Variants in CNIH3 observed in about 807,000 individuals in gnomAD.
CNIH3 encodes cornichon family AMPA receptor auxiliary protein 3, also known as protein cornichon homolog 3.
In CNIH3, 14 loss-of-function variants were observed where a neutral mutation model predicts 24.1. The observed-to-expected ratio is 0.58, with a 90% CI of 0.38 to 0.91. CNIH3 has a LOEUF of 0.91. Ranked by LOEUF, CNIH3 falls within the 40% of genes least tolerant of loss-of-function variation. CNIH3 has a pLI of 0.00. For missense variants in CNIH3, 178 were observed against 196.8 expected (o/e 0.90, Z 0.57); for synonymous variants, 68 against 73.8 (o/e 0.92, Z 0.40).
intron 1 of CNIH3, among the ~76,000 whole-genome samples, chr1:224,456,706 C>A (rs1357948239): frequency 6.6e-6 from 1 of 152,208 alleles, no homozygotes; most frequent in Non-Finnish European, 1.5e-5. Flanking sequence ...CCACTGTGCC[C>A]GGCCAAAGAT....
intron 3 of CNIH3, among the ~76,000 whole-genome samples, chr1:224,552,117 A>T (rs1679947043): frequency 6.6e-6 from 1 of 151,588 alleles, no homozygotes; most frequent in South Asian, 2.1e-4. Flanking sequence ...ATTAGAAGTC[A>T]TATATCTCCC....
chr1:224,436,935 CA>C (rs1248300527), intron 1 of CNIH3: 12 of 152,202 alleles, frequency 7.9e-5, no homozygotes, highest in African/African-American at 2.9e-4. Context: ...TCTTTGACTA[CA>C]CTCTCCCGTC....
At chr1:224,654,834 T>C (rs754404816) in intron 1 of CNIH3, among the ~76,000 whole-genome samples, 1 of 152,166 alleles carries the variant, frequency 6.6e-6, no homozygotes, top group African/African-American at 2.4e-5. Flanking sequence ...CCAAACTAAT[T>C]CCAATCCCTA....
intron 1 of CNIH3, among the ~76,000 whole-genome samples, chr1:224,439,383 A>G (rs1674797090): frequency 6.6e-6 from 1 of 152,120 alleles, no homozygotes; most frequent in Non-Finnish European, 1.5e-5. Context: ...TAGCCCTCTC[A>G]TGTTCTTGAG....
intron 3 of CNIH3, among the ~76,000 whole-genome samples, chr1:224,705,850 C>CTTTTTTCTTTTTTTT (rs1687762236): frequency 1.1e-5 from 1 of 90,208 alleles, no homozygotes; most frequent in Non-Finnish European, 2.4e-5. Context: ...TCTTTCTTTT[C>CTTTTTTCTTTTTTTT]TTTTTTTTCT....
intron 1 of CNIH3, among the ~76,000 whole-genome samples, chr1:224,641,599 A>T (rs1477552971): frequency 6.6e-6 from 1 of 152,208 alleles, no homozygotes; most frequent in Non-Finnish European, 1.5e-5. Context: ...CTGGTGTCTG[A>T]GTGGACGACG....
At chr1:224,573,126 T>C (rs1680891614) in intron 4 of CNIH3, among the ~76,000 whole-genome samples, 1 of 152,216 alleles carries the variant, frequency 6.6e-6, no homozygotes, top group Non-Finnish European at 1.5e-5. Context: ...CAGCATCGTT[T>C]TGTATTTTAG....
intron 3 of CNIH3, among the ~76,000 whole-genome samples, chr1:224,715,255 G>A (rs144109274): frequency 6.6e-6 from 1 of 152,246 alleles, no homozygotes; most frequent in African/African-American, 2.4e-5. Flanking sequence ...TGGCTTTCCT[G>A]ACTCTGCACC....
intron 3 of CNIH3, among the ~76,000 whole-genome samples, chr1:224,714,611 G>A (rs1688329088): frequency 6.6e-6 from 1 of 152,206 alleles, no homozygotes; most frequent in Non-Finnish European, 1.5e-5. Flanking sequence ...TATAAATTCT[G>A]CCAGGCCCAG....
At chr1:224,526,861 C>A (rs1678867437) in intron 2 of CNIH3, among the ~76,000 whole-genome samples, 1 of 152,112 alleles carries the variant, frequency 6.6e-6, no homozygotes, top group Non-Finnish European at 1.5e-5. Context: ...CGTGAGCCTA[C>A]ACATAACATG....
At chr1:224,734,868 G>C (rs1689515180) in intron 5 of CNIH3, among the ~76,000 whole-genome samples, 162 bp downstream of exon 5, 1 of 152,210 alleles carries the variant, frequency 6.6e-6, no homozygotes, top group Non-Finnish European at 1.5e-5. Context: ...AGGAGCAAGG[G>C]CTTCTGTATA....
Position 224,574,722 on chromosome 1 carries a change from C to A in CNIH3, n.517-8442C>A, listed in dbSNP as rs1202736117. ...GGTGAAAGGAGCCTGCCAGAAGATG[C>A]TCATTGACCTGAAGCTGGACTACCT... is the stretch of plus-strand genomic sequence containing the variant. On this transcript the variant is annotated intron_variant and non_coding_transcript_variant, in intron 4 of 5. Coordinates refer to the CNIH3 transcript ENST00000471578. 1.1e-5 allele frequency: 13 copies of A among 1,191,688 alleles called. No individual in the cohort carries two copies. The East Asian group carries it at 2.3e-4, about 21-fold the overall frequency. The allele number at this position is 1,191,688 out of a possible 1,614,324, so 73.8% of individuals were successfully genotyped here.
chr1:224,735,423 T>C (rs1450077695), intron 5 of CNIH3, among the ~76,000 whole-genome samples: 1 of 152,142 alleles, frequency 6.6e-6, no homozygotes, highest in Non-Finnish European at 1.5e-5. Context: ...TGCTCCTCTT[T>C]GGCTCATCTC....
chr1:224,485,397 A>G (rs1452639214), intron 1 of CNIH3, among the ~76,000 whole-genome samples: 1 of 152,160 alleles, frequency 6.6e-6, no homozygotes, highest in Admixed American at 6.5e-5. Flanking sequence ...TTTTGTTTCT[A>G]GGCATCAGCC....
chr1:224,644,874 A>C (rs1429892184), intron 1 of CNIH3, among the ~76,000 whole-genome samples: 1 of 152,106 alleles, frequency 6.6e-6, no homozygotes, highest in Non-Finnish European at 1.5e-5. Flanking sequence ...AAGTGCATGC[A>C]CCTCCACTGA....
intron 2 of CNIH3, among the ~76,000 whole-genome samples, chr1:224,523,836 C>T (rs1219837788): frequency 6.6e-6 from 1 of 152,102 alleles, no homozygotes; most frequent in Non-Finnish European, 1.5e-5. Flanking sequence ...ATTAGTAGGG[C>T]CTCCCCATTC....
At chr1:224,710,656 T>C (rs747643361) in intron 3 of CNIH3, among the ~76,000 whole-genome samples, 12 of 152,226 alleles carry the variant, frequency 7.9e-5, no homozygotes, top group Admixed American at 1.3e-4. Context: ...AAGTATTTGC[T>C]ATGTGCCAAG....
At chr1:224,437,770 A>C (rs1378057378) in intron 1 of CNIH3, among the ~76,000 whole-genome samples, 2 of 152,242 alleles carry the variant, frequency 1.3e-5, no homozygotes, top group African/African-American at 4.8e-5. Context: ...TGCTTTACAA[A>C]GTAAAATATA....
chr1:224,471,134 G>A (rs1413848388), intron 1 of CNIH3, among the ~76,000 whole-genome samples: 2 of 152,136 alleles, frequency 1.3e-5, no homozygotes, highest in East Asian at 1.9e-4. Flanking sequence ...TGCAAGCTGG[G>A]TTCAAGTGAT....
Sources: gnomAD v4.1 joint callset for allele counts (sites outside exome capture counted in the v4.1 genomes callset) on GRCh38, gnomAD v4.1.1 for gene constraint, MANE v1.5 for transcripts, NCBI Gene and HGNC (gene_info 2026-07-23, HGNC 2026-07-21) for gene names.